GRM7: variants seen among roughly 807,000 people sequenced by gnomAD.
GRM7 encodes metabotropic glutamate receptor 7.
A neutral mutation model predicts 84.5 loss-of-function variants in GRM7; 35 were observed. The observed-to-expected ratio is 0.41, with a 90% CI of 0.32 to 0.55. GRM7 has a LOEUF of 0.55. Among genes scored for constraint, GRM7 ranks in the 20% least tolerant of loss-of-function variants. The pLI is 0.19. For missense variants in GRM7, 1,003 were observed against 1,194.6 expected, an observed-to-expected ratio of 0.84 and a Z score of 2.36; for synonymous variants, 487 against 455.1, an observed-to-expected ratio of 1.07 and a Z score of -0.89.
intron 1 of GRM7, among the ~76,000 whole-genome samples, chr3:7,102,177 G>A (rs1699133632): frequency 6.6e-6 from 1 of 151,636 alleles, no homozygotes; most frequent in Non-Finnish European, 1.5e-5. Context: ...TAAAAAAGTG[G>A]TTTTAGCATT....
intron 9 of GRM7, among the ~76,000 whole-genome samples, chr3:7,730,822 A>T (rs546318527): frequency 1.3e-5 from 2 of 152,330 alleles, no homozygotes; most frequent in African/African-American, 4.8e-5. Context: ...TAATATATTG[A>T]AATTATAAAA....
chr3:7,474,454 A>C (rs1208136456), intron 7 of GRM7, among the ~76,000 whole-genome samples: 1 of 152,014 alleles, frequency 6.6e-6, no homozygotes, highest in Non-Finnish European at 1.5e-5. Context: ...AAAAAAAAAA[A>C]AATTGACAAT....
chr3:6,955,784 A>G (rs982285112), intron 1 of GRM7, among the ~76,000 whole-genome samples: 2 of 150,436 alleles, frequency 1.3e-5, no homozygotes, highest in African/African-American at 2.4e-5. Context: ...AGAGATTGCA[A>G]TGAGTCGAGA....
At chr3:7,010,284 C>G (rs961370403) in intron 1 of GRM7, among the ~76,000 whole-genome samples, 1 of 152,092 alleles carries the variant, frequency 6.6e-6, no homozygotes, top group African/African-American at 2.4e-5. Flanking sequence ...AACCCTGTGT[C>G]TACTAAAAAT....
chr3:7,707,451 C>T (rs889257070), intron 9 of GRM7, among the ~76,000 whole-genome samples: 2 of 152,212 alleles, frequency 1.3e-5, no homozygotes, highest in East Asian at 3.9e-4. Flanking sequence ...TGACTGCCCA[C>T]GTGTGCTTTG....
At chr3:6,990,347 C>T (rs1279380902) in intron 1 of GRM7, among the ~76,000 whole-genome samples, 1 of 152,136 alleles carries the variant, frequency 6.6e-6, no homozygotes, top group Non-Finnish European at 1.5e-5. Flanking sequence ...ATTTCATGGA[C>T]TCTTAAGGGG....
In GRM7 at chr3:7,411,617, C is replaced by T. The variant is rs116651664; in HGVS notation, c.1034-3406C>T. Among the ~76,000 whole-genome samples, 880 of 152,296 alleles carry T rather than the reference C, an allele frequency of 5.8e-3. 13 individuals are homozygous for T. The highest frequency in any genetic ancestry group is 0.02 in the African/African-American group (813 of 41,554). ...TGAACTTTATGTGACATAAATGATA[C>T]CGAATGCATTCTTTATTTTCTGGTT... On this transcript the variant is annotated intron_variant, in intron 4 of 9. Transcript: ENST00000357716.
chr3:7,650,425 T>A (rs921903831), intron 8 of GRM7, among the ~76,000 whole-genome samples: 1 of 152,214 alleles, frequency 6.6e-6, no homozygotes, highest in African/African-American at 2.4e-5. Flanking sequence ...AACCCACTAC[T>A]AGTTACTATA....
At chr3:7,505,011 A>G (rs941080973) in intron 7 of GRM7, among the ~76,000 whole-genome samples, 10 of 152,204 alleles carry the variant, frequency 6.6e-5, no homozygotes, top group Admixed American at 6.5e-4. Context: ...AATCAAAACA[A>G]GTTATCTACT....
intron 7 of GRM7, among the ~76,000 whole-genome samples, chr3:7,469,848 G>C (rs1246966108): frequency 6.6e-6 from 1 of 152,142 alleles, no homozygotes; most frequent in Non-Finnish European, 1.5e-5. Context: ...ATTAAGTACT[G>C]CTTCCCATTT....
chr3:7,670,186 A>T (rs1553634788), intron 8 of GRM7, among the ~76,000 whole-genome samples: 1 of 152,182 alleles, frequency 6.6e-6, no homozygotes, highest in Non-Finnish European at 1.5e-5. Context: ...TGATCATGGA[A>T]AGGCAGGAAA....
rs187075573 is a variant in GRM7, at chr3:6,951,087, C to G, written c.519+89180C>G. Among the ~76,000 whole-genome samples, 796 of 152,280 alleles carry G rather than the reference C, an allele frequency of 5.2e-3. 8 individuals carry two copies. Among genetic ancestry groups the G allele is most frequent in the African/African-American group, 0.015 (625 of 41,566 alleles). On this transcript the variant is annotated intron_variant, in intron 1 of 9. Transcript: ENST00000357716. ...CCGGCACTCCCCAGTGAGATGAACCCAGTACCTCAGTTGTAAATGCAGAAA... is the reference window on the plus strand; with the variant it reads ...CCGGCACTCCCCAGTGAGATGAACCGAGTACCTCAGTTGTAAATGCAGAAA...
At chr3:7,337,189 T>C (rs903265386) in intron 4 of GRM7, among the ~76,000 whole-genome samples, 2 of 152,102 alleles carry the variant, frequency 1.3e-5, no homozygotes, top group Non-Finnish European at 2.9e-5. Context: ...ATTCAACAAA[T>C]GGTGCTGGGA....
At chr3:7,262,800 C>T (rs767929038) in intron 2 of GRM7, among the ~76,000 whole-genome samples, 7 of 152,180 alleles carry the variant, frequency 4.6e-5, no homozygotes, top group Non-Finnish European at 1.0e-4. Context: ...TGGGTTCAAG[C>T]AATTGTGCTG....
chr3:7,210,254 C>G (rs1023740333), intron 2 of GRM7, among the ~76,000 whole-genome samples: 3 of 152,166 alleles, frequency 2.0e-5, no homozygotes, highest in Non-Finnish European at 4.4e-5. Flanking sequence ...TCAGCTTAAA[C>G]AAATGGAGGA....
intron 1 of GRM7, among the ~76,000 whole-genome samples, chr3:6,992,420 A>T (rs1694674954): frequency 6.6e-6 from 1 of 152,202 alleles, no homozygotes; most frequent in Non-Finnish European, 1.5e-5. Flanking sequence ...ACAAGAACAA[A>T]TTGCCTTTGT....
intron 4 of GRM7, among the ~76,000 whole-genome samples, chr3:7,382,778 C>T (rs1694640565): frequency 6.6e-6 from 1 of 152,136 alleles, no homozygotes; most frequent in Non-Finnish European, 1.5e-5. Context: ...GGCAAACTGC[C>T]CTCTTAGTTA....
intron 7 of GRM7, among the ~76,000 whole-genome samples, chr3:7,517,381 GTAGTATTAGTAT>G (rs1190036221): frequency 2.0e-5 from 3 of 151,380 alleles, no homozygotes; most frequent in Non-Finnish European, 2.9e-5. Context: ...AGTAGTAGTA[GTAGTATTAGTAT>G]TATTAGTATT....
At chr3:7,447,447 G>A (rs1018574705) in intron 5 of GRM7, among the ~76,000 whole-genome samples, 89 of 152,204 alleles carry the variant, frequency 5.8e-4, no homozygotes, top group African/African-American at 1.8e-3. Context: ...AAATACTGAC[G>A]ATCAAGCTTT....
Sources: allele counts gnomAD v4.1 joint callset (sites outside exome capture counted in the v4.1 genomes callset), GRCh38; gene constraint gnomAD v4.1.1; transcripts MANE v1.5; gene names NCBI Gene and HGNC (gene_info 2026-07-23, HGNC 2026-07-21).